Variants in PCLO observed in about 807,000 individuals in gnomAD.
PCLO encodes the protein protein piccolo.
A neutral mutation model predicts 427.5 loss-of-function variants in PCLO; 82 were observed. That is an observed-to-expected ratio of 0.19 (90% CI 0.16 to 0.23). PCLO has a LOEUF of 0.23. Among genes scored for constraint, PCLO ranks in the 10% least tolerant of loss-of-function variants. The probability of loss-of-function intolerance (pLI) is 1.00; values close to 1 mark genes in which losing one functional copy is unlikely to be tolerated. For missense variants in PCLO, 6,239 were observed against 6,115.9 expected (o/e 1.02, Z -0.67); for synonymous variants, 2,357 against 2,155.4 (o/e 1.09, Z -2.59).
chr7:83,141,188 C>T (rs1000356720), intron 2 of PCLO, among the ~76,000 whole-genome samples: 34 of 152,238 alleles, frequency 2.2e-4, no homozygotes, highest in African/African-American at 5.8e-4. Flanking sequence ...GTGGGAGAAA[C>T]GGAATAAACT....
intron 22 of PCLO, among the ~76,000 whole-genome samples, chr7:82,788,246 T>C (rs945578148): frequency 2.0e-5 from 3 of 147,742 alleles, no homozygotes; most frequent in African/African-American, 7.4e-5. Context: ...AATTTATATA[T>C]AATTAATAAT....
intron 3 of PCLO, among the ~76,000 whole-genome samples, chr7:82,990,132 G>A (rs915365367): frequency 6.6e-6 from 1 of 152,146 alleles, no homozygotes; most frequent in African/African-American, 2.4e-5. Context: ...ACCCTCCCCA[G>A]AGAGGTTGTA....
intron 22 of PCLO, among the ~76,000 whole-genome samples, chr7:82,778,904 C>A (rs1033649889): frequency 7.5e-5 from 8 of 107,042 alleles, no homozygotes; most frequent in Admixed American, 5.5e-4. Context: ...TCTATTTTAT[C>A]ATTTTTCTTC....
At chr7:82,814,599 T>C (rs1358322793) in intron 20 of PCLO, among the ~76,000 whole-genome samples, 1 of 151,728 alleles carries the variant, frequency 6.6e-6, no homozygotes, top group East Asian at 1.9e-4. Flanking sequence ...CAAAGAACTT[T>C]ATGTTATGTA....
At chr7:82,995,278 G>A (rs183712841) in intron 3 of PCLO, among the ~76,000 whole-genome samples, 1 of 152,098 alleles carries the variant, frequency 6.6e-6, no homozygotes. Flanking sequence ...GGTAGGCAAA[G>A]CCAGAGGTGG....
chr7:83,121,301 G>A (rs1300473280), intron 3 of PCLO, among the ~76,000 whole-genome samples: 1 of 152,172 alleles, frequency 6.6e-6, no homozygotes, highest in East Asian at 1.9e-4. Flanking sequence ...TGCAACCAGA[G>A]TTGTCAAAAA....
chr7:82,802,645 A>G (rs1455293094), intron 21 of PCLO, among the ~76,000 whole-genome samples: 2 of 152,194 alleles, frequency 1.3e-5, no homozygotes, highest in Non-Finnish European at 2.9e-5. Flanking sequence ...CTTGAACAAA[A>G]GAGCATCTTG....
chr7:82,924,201 C>T (rs543741659), intron 6 of PCLO, among the ~76,000 whole-genome samples: 2 of 151,692 alleles, frequency 1.3e-5, no homozygotes, highest in African/African-American at 2.4e-5. Context: ...AAAAGAGAAC[C>T]GGAGGGAATA....
chr7:83,086,961 C>T (rs995254670), intron 3 of PCLO, among the ~76,000 whole-genome samples: 2 of 151,066 alleles, frequency 1.3e-5, no homozygotes, highest in East Asian at 2.0e-4. Flanking sequence ...AGCAAACTAT[C>T]GCAAGGACAA....
intron 6 of PCLO, among the ~76,000 whole-genome samples, chr7:82,946,763 T>C (rs969387109): frequency 6.6e-6 from 1 of 152,148 alleles, no homozygotes; most frequent in Non-Finnish European, 1.5e-5. Context: ...ATTTCTAATA[T>C]ATTTTGAATT....
At chr7:83,115,986 GCACA>G (rs1791121979) in intron 3 of PCLO, among the ~76,000 whole-genome samples, 1 of 150,318 alleles carries the variant, frequency 6.7e-6, no homozygotes, top group South Asian at 2.1e-4. Context: ...ACACACACAC[GCACA>G]CATATACATA....
intron 3 of PCLO, among the ~76,000 whole-genome samples, chr7:83,004,371 T>G (rs1330480703): frequency 1.3e-5 from 2 of 151,776 alleles, no homozygotes; most frequent in African/African-American, 2.4e-5. Flanking sequence ...AGTCAACTAA[T>G]CTTCAACAAA....
rs1353024186 is a variant in PCLO, at chr7:83,135,211, C to G, written c.2339G>C (p.Ser780Thr). 2.5e-6 allele frequency: 4 copies of G among 1,613,648 alleles called. No homozygotes were observed. The highest frequency in any genetic ancestry group is 2.7e-5 in the African/African-American group (2 of 74,820). Reference sequence around the variant, plus strand: ...TTCAGCTTGTGACTGTACTTTGGAGCTTGGAATATCAGGTTTTGTTGTTGC... The same window carrying G: ...TTCAGCTTGTGACTGTACTTTGGAGGTTGGAATATCAGGTTTTGTTGTTGC... ...SSATTKPDIP[S>T]SKVQSQAEEK... The change falls in exon 3 of 25, where the codon AGC (serine) becomes ACC (threonine). Residue 780 changes from serine to threonine, a missense_variant. By Grantham distance (58) the Ser-to-Thr change is moderately conservative. Transcript: ENST00000333891.
intron 2 of PCLO, among the ~76,000 whole-genome samples, chr7:83,143,858 C>G (rs2116646716): frequency 6.6e-6 from 1 of 152,296 alleles, no homozygotes; most frequent in African/African-American, 2.4e-5. Flanking sequence ...TTGATTAACA[C>G]ACACCTAGAT....
At chr7:83,039,697 T>C (rs527584752) in intron 3 of PCLO, among the ~76,000 whole-genome samples, 223 of 152,262 alleles carry the variant, frequency 1.5e-3, no homozygotes, top group African/African-American at 5.0e-3. Flanking sequence ...TAATTCCATA[T>C]AAATTTTAAG....
intron 3 of PCLO, among the ~76,000 whole-genome samples, chr7:83,124,325 G>C (rs1178489525): frequency 6.9e-6 from 1 of 145,896 alleles, no homozygotes; most frequent in African/African-American, 2.6e-5. Context: ...CTGTACTCCA[G>C]CCTGGGCGGA....
chr7:83,126,946 T>C (rs1791452548), intron 3 of PCLO, among the ~76,000 whole-genome samples: 4 of 152,134 alleles, frequency 2.6e-5, no homozygotes, highest in Admixed American at 2.6e-4. Context: ...ATAATTATTA[T>C]CAATATTTAA....
At chr7:82,943,656 G>A (rs959154967) in intron 6 of PCLO, among the ~76,000 whole-genome samples, 2 of 151,930 alleles carry the variant, frequency 1.3e-5, no homozygotes, top group Non-Finnish European at 2.9e-5. Context: ...GATCATCTGG[G>A]GTAGGATGTA....
chr7:82,805,096 A>T (rs59400883), intron 21 of PCLO, among the ~76,000 whole-genome samples: 72,787 of 150,104 alleles, frequency 0.48, 18,337 homozygotes, highest in East Asian at 0.85. Flanking sequence ...CTTTTTTTTT[A>T]TTTTGAGGCT....
Sources: gnomAD v4.1 joint callset for allele counts (sites outside exome capture counted in the v4.1 genomes callset) on GRCh38, gnomAD v4.1.1 for gene constraint, MANE v1.5 for transcripts, NCBI Gene and HGNC (gene_info 2026-07-23, HGNC 2026-07-21) for gene names.